The following AZU1 variants were observed in gnomAD, a reference collection of about 807,000 sequenced individuals.
The protein encoded by AZU1 is azurocidin.
Under a neutral mutation model 17.8 loss-of-function variants are expected in AZU1, and 21 were observed. The ratio of observed to expected loss-of-function variants is 1.18; its 90% CI spans 0.84 to 1.70. AZU1 has a LOEUF of 1.70. Among genes scored for constraint, AZU1 ranks in the 40% most tolerant of loss-of-function variants. The pLI is 0.00. For synonymous variants in AZU1, 178 were observed against 155.2 expected (o/e 1.15, Z -1.09); for missense variants, 379 against 362.9 (o/e 1.04, Z -0.36).
At position 830,502 on chromosome 19, in the gene AZU1, A is replaced by C. The variant is rs536005534; in HGVS notation, c.361-206A>C. Among the ~76,000 whole-genome samples the C allele has an allele frequency of 2.6e-5, 4 of 152,186 alleles. No individual in the cohort carries two copies. In the South Asian group the frequency reaches 8.3e-4, roughly 32 times the overall value. ...ACCTTGTTGGCCAGTTTGGTCTCGA[A>C]CTCCTGGCCTCAAGTGATCCACCCA... On this transcript the variant is annotated intron_variant, in intron 3 of 4. Transcript: ENST00000233997.
intron 2 of AZU1, among the ~76,000 whole-genome samples, chr19:829,165 A>G (rs1395726064): frequency 1.3e-5 from 1 of 76,132 alleles, no homozygotes; most frequent in Admixed American, 1.6e-4. Context: ...GGAGGCCCAG[A>G]TAAGGGAATG....
Position 830,912 on chromosome 19 carries a change from G to T in AZU1, c.565G>T (p.Val189Leu). Residue 189 changes from valine (V) to leucine (L), a missense_variant, in exon 4 of 5, where the codon GTG (valine) becomes TTG (leucine). By Grantham distance (32) the Val-to-Leu change is conservative. Coordinates refer to ENST00000233997, the MANE Select transcript of AZU1 (RefSeq NM_001700.5). ...QCRPNNVCTG[V>L]LTRRGGICNG... ...TCGCCCCAACAACGTGTGCACCGGT[G>T]TGCTCACCCGCCGCGGTGGCATCTG... 1 of 1,603,484 alleles carries T rather than the reference G, an allele frequency of 6.2e-7. No homozygotes were observed.
Position 827,881 on chromosome 19 carries a change from G to C in AZU1, c.35G>C (p.Gly12Ala). 1 of 1,537,274 alleles carries C rather than the reference G, an allele frequency of 6.5e-7. No homozygotes were observed. ...TRLTVLALLA[G>A]LLASSRAGSS... is the part of the protein sequence containing the mutation. ...CTGACAGTCCTGGCCCTGCTGGCTGGTCTGCTGGCGTCCTCGAGGGCCGGT... is the reference window on the plus strand; with the variant it reads ...CTGACAGTCCTGGCCCTGCTGGCTGCTCTGCTGGCGTCCTCGAGGGCCGGT... The change falls in exon 1 of 5, where the codon GGT (glycine) becomes GCT (alanine). Residue 12 changes from glycine to alanine, a missense_variant. Physicochemically the swap from Gly to Ala is moderately conservative, Grantham distance 60 (BLOSUM62 0). Transcript: ENST00000233997.
chr19:831,733 C>A lies in AZU1; in HGVS notation c.612C>A (p.Pro204=), dbSNP rs1336235593. ...CTGCCCAGGGGGACGGGGGCACCCC[C>A]CTCGTCTGCGAGGGCCTGGCCCACG... ...GGICNGDGGT[P]LVCEGLAHGV... Residue 204 remains proline (P), a synonymous_variant, in exon 5 of 5, where the codon CCC becomes CCA. Transcript: ENST00000233997. The A allele has an allele frequency of 1.2e-6, 2 of 1,608,812 alleles. No homozygotes were observed. The highest frequency in any genetic ancestry group is 4.5e-5 in the East Asian group (2 of 44,792).
At chr19:829,265 G>T (rs1488748456) in intron 2 of AZU1, among the ~76,000 whole-genome samples, 20 of 148,662 alleles carry the variant, frequency 1.3e-4, no homozygotes, top group South Asian at 2.2e-4. Flanking sequence ...GAGGTGCAGA[G>T]AAGGGGAGGG....
intron 2 of AZU1, 97 bp downstream of exon 2, chr19:828,483 A>C: frequency 1.3e-6 from 1 of 763,316 alleles, no homozygotes; most frequent in Non-Finnish European, 1.6e-6. Context: ...GTAGGTGAGG[A>C]GGGGAGGGGA....
intron 4 of AZU1, chr19:831,398 C>G (rs573389196): frequency 2.6e-6 from 1 of 384,710 alleles, no homozygotes; most frequent in Non-Finnish European, 4.7e-6. Context: ...AGCTATCAAA[C>G]GCCGGCTGTG....
At chr19:829,740 C>A (rs777215325) in intron 3 of AZU1, 34 bp downstream of exon 3, 1 of 1,600,420 alleles carries the variant, frequency 6.2e-7, no homozygotes, top group South Asian at 1.1e-5. Context: ...ATCCCAGCAC[C>A]TCGGGAGGCC....
intron 4 of AZU1, 138 bp downstream of exon 4, chr19:831,079 T>TA: frequency 4.2e-6 from 3 of 706,684 alleles, no homozygotes; most frequent in Non-Finnish European, 6.8e-6. Context: ...AGAAACAGTA[T>TA]CTTTTTTTTT....
In AZU1 at chr19:831,864, C is replaced by T. The variant is rs761783503; in HGVS notation, c.743C>T (p.Pro248Leu). The T allele has an allele frequency of 6.3e-5, 101 of 1,611,868 alleles. 1 individual carries two copies. Among genetic ancestry groups the T allele is most frequent in the South Asian group, 3.6e-4 (33 of 90,968 alleles). The part of the protein sequence containing the change: ...WIDGVLNNPG[P>L]GPA ...GATGGTGTTCTCAACAACCCGGGAC[C>T]GGGGCCAGCCTAGGGGGGCCTGTGA... is the stretch of plus-strand genomic sequence containing the variant. Residue 248 changes from proline to leucine, a missense_variant, in exon 5 of 5, where the codon CCG (proline) becomes CTG (leucine). Coordinates refer to ENST00000233997, the MANE Select transcript of AZU1 (RefSeq NM_001700.5).
In AZU1 at chr19:830,743, G is replaced by A. The variant is rs368212768; in HGVS notation, c.396G>A (p.Thr132=). The A allele has an allele frequency of 1.3e-5, 21 of 1,594,352 alleles. No individual in the cohort carries two copies. The highest frequency in any genetic ancestry group is 1.2e-4 in the African/African-American group (9 of 74,830). Residue 132 remains threonine (T), a synonymous_variant, in exon 4 of 5, where the codon ACG becomes ACA. Transcript: ENST00000233997. ...AGGCCAACCTCACCAGCAGCGTGAC[G>A]ATACTGCCACTGCCTCTGCAGAACG... ...DREANLTSSV[T]ILPLPLQNAT... is the part of the protein sequence containing the mutation.
At chr19:830,561 T>C in intron 3 of AZU1, 147 bp from the exon 4 acceptor site, 1 of 706,106 alleles carries the variant, frequency 1.4e-6, no homozygotes, top group Non-Finnish European at 2.2e-6. Flanking sequence ...AATACAGGCG[T>C]GAGCCACCGC....
At chr19:831,082 T>G (rs1244359135) in intron 4 of AZU1, 141 bp downstream of exon 4, 18 of 412,394 alleles carry the variant, frequency 4.4e-5, no homozygotes, top group Middle Eastern at 6.5e-4. Flanking sequence ...AACAGTATCT[T>G]TTTTTTTTTT....
chr19:829,738 A>G lies in AZU1; in HGVS notation c.360+32A>G, dbSNP rs757933705. On this transcript the variant is annotated intron_variant, in intron 3 of 4. Coordinates refer to ENST00000233997, the MANE Select transcript of AZU1 (RefSeq NM_001700.5). ...GGATGGTGCCACCTGTGATCCCAGC[A>G]CCTCGGGAGGCCGACGTTAGCCAGG... 6 of 1,601,476 alleles carry G rather than the reference A, an allele frequency of 3.7e-6. No homozygotes were observed. The Admixed American group carries it at 1.0e-4, about 27-fold the overall frequency.
At chr19:830,160 T>C (rs947361323) in intron 3 of AZU1, among the ~76,000 whole-genome samples, 16 of 152,058 alleles carry the variant, frequency 1.1e-4, no homozygotes, top group African/African-American at 3.6e-4. Context: ...CTCAGGAGGC[T>C]GAGGCAGGAG....
Position 831,697 on chromosome 19 carries a change from A to C in AZU1, c.595-19A>C. 6.3e-7 allele frequency: 1 copy of C among 1,581,228 alleles called. No individual in the cohort carries two copies. The highest frequency in any genetic ancestry group is 1.3e-5 in the African/African-American group (1 of 74,118). ...GAGCCAGGCCCTGGGACGCCCTGAC[A>C]CAGCTGCTGCCTGCCCAGGGGGACG... On this transcript the variant is annotated intron_variant, in intron 4 of 4. Coordinates refer to ENST00000233997, the MANE Select transcript of AZU1 (RefSeq NM_001700.5).
At position 829,722 on chromosome 19, in the gene AZU1, CA is replaced by C; in HGVS notation, c.360+17del. ...GCTGCTTCAGGTGAGAGGATGGTGC[CA>C]CCTGTGATCCCAGCACCTCGGGAGG... On this transcript the variant is annotated intron_variant, in intron 3 of 4. Transcript: ENST00000233997. The C allele has an allele frequency of 9.3e-6, 15 of 1,609,458 alleles. No individual in the cohort carries two copies. The highest frequency in any genetic ancestry group is 1.3e-5 in the Non-Finnish European group (15 of 1,176,886).
chr19:829,440 G>GT, intron 2 of AZU1, 122 bp from the exon 3 acceptor site: 1 of 1,352,708 alleles, frequency 7.4e-7, no homozygotes, highest in Non-Finnish European at 1.0e-6. Flanking sequence ...AAGCGGGGGA[G>GT]TTTTCAGGGT....
At chr19:831,471 T>C (rs1184184407) in intron 4 of AZU1, 1 of 528,056 alleles carries the variant, frequency 1.9e-6, no homozygotes, top group African/African-American at 1.9e-5. Flanking sequence ...ACTGAGGGAC[T>C]CAGGCGTGTG....
Sources: gnomAD v4.1 joint callset for allele counts (sites outside exome capture counted in the v4.1 genomes callset) on GRCh38, gnomAD v4.1.1 for gene constraint, MANE v1.5 for transcripts, NCBI Gene and HGNC (gene_info 2026-07-23, HGNC 2026-07-21) for gene names.